Variants in DHRS2 observed in about 807,000 individuals in gnomAD.
DHRS2 encodes the protein dehydrogenase/reductase SDR family member 2, mitochondrial.
DHRS2 carries 29 observed loss-of-function variants against 26.3 expected under a neutral mutation model. That is an observed-to-expected ratio of 1.10 (90% CI 0.82 to 1.50). DHRS2 has a LOEUF of 1.50. DHRS2 is among the 40% of genes most tolerant of loss of function. DHRS2 has a pLI of 0.00. For missense variants in DHRS2, 439 were observed against 367.1 expected (o/e 1.20, Z -1.60); for synonymous variants, 164 against 151.3 (o/e 1.08, Z -0.62).
intron 4 of DHRS2, chr14:23,640,432 G>A: frequency 4.1e-6 from 4 of 985,440 alleles, no homozygotes; most frequent in Non-Finnish European, 4.8e-6. Context: ...CCAGCCTGCT[G>A]TAAGTCCATT....
In DHRS2 at chr14:23,639,326, G is replaced by T; in HGVS notation, c.288G>T (p.Lys96Asn). 6.3e-7 allele frequency: 1 copy of T among 1,582,160 alleles called. No homozygotes were observed. Among genetic ancestry groups the T allele is most frequent in the Non-Finnish European group, 8.6e-7 (1 of 1,164,904 alleles). Reference protein sequence around the residue: ...SVAGIVCHVGKAEDREQLVAK... With the variant: ...SVAGIVCHVGNAEDREQLVAK... ...CGGGCATTGTGTGCCACGTGGGGAA[G>T]GCTGAGGACCGGGAGCAGCTGGTGG... is the stretch of plus-strand genomic sequence containing the variant. The change falls in exon 3 of 9, where the codon AAG becomes AAT. Residue 96 changes from lysine (K) to asparagine (N), a missense_variant. Coordinates refer to ENST00000250383, the MANE Select transcript of DHRS2 (RefSeq NM_005794.4).
In DHRS2 at chr14:23,644,482, C is replaced by G. The variant is rs756275305; in HGVS notation, c.614C>G (p.Pro205Arg). 5.6e-6 allele frequency: 9 copies of G among 1,614,102 alleles called. No individual in the cohort carries two copies. Among genetic ancestry groups the G allele is most frequent in the Non-Finnish European group, 7.6e-6 (9 of 1,180,062 alleles). ...AGAACACTGGCATTGGAGCTGGCCC[C>G]CAAGGACATCCGGGTAAACTGCGTG... ...LTRTLALELA[P>R]KDIRVNCVVP... The change falls in exon 7 of 9, where the codon CCC (proline) becomes CGC (arginine). Residue 205 changes from proline (P) to arginine (R), a missense_variant. Physicochemically the swap from Pro to Arg is moderately radical, Grantham distance 103. Transcript: ENST00000250383.
chr14:23,639,771 C>T (rs776325467), intron 3 of DHRS2, 23 bp from the exon 4 acceptor site: 1 of 1,588,934 alleles, frequency 6.3e-7, no homozygotes, highest in Non-Finnish European at 8.6e-7. Context: ...CATCTCCACA[C>T]TCATCCAATC....
At chr14:23,635,459 T>C (rs1268261963), upstream of DHRS2, among the ~76,000 whole-genome samples, 5 of 152,216 alleles carry the variant, frequency 3.3e-5, no homozygotes, top group Non-Finnish European at 4.4e-5. Context: ...AGTCTCTTGG[T>C]GCACACATGA....
chr14:23,641,715 C>A, intron 4 of DHRS2: 1 of 1,289,838 alleles, frequency 7.8e-7, no homozygotes, highest in Non-Finnish European at 1.0e-6. Flanking sequence ...TTCTTGCAGT[C>A]ATTGGGGGTC....
chr14:23,633,990 C>G (rs948347057), upstream of DHRS2, among the ~76,000 whole-genome samples: 4 of 149,854 alleles, frequency 2.7e-5, no homozygotes, highest in African/African-American at 9.8e-5. Flanking sequence ...TCATGGACAT[C>G]ATGTAGGCAT....
chr14:23,640,046 C>T lies in DHRS2; in HGVS notation c.420+151C>T, dbSNP rs540562283. 5 of 753,158 alleles carry T rather than the reference C, an allele frequency of 6.6e-6. No individual in the cohort carries two copies. The South Asian group carries it at 2.0e-4, about 31-fold the overall frequency. The allele number at this position is 753,158 out of a possible 1,614,324, so 46.7% of individuals were successfully genotyped here. The stretch of plus-strand genomic sequence containing the variant: ...GGTAGTCCTGCCTGGCCAGCTGTCT[C>T]CCAAAATGTGCCCGGATGCTACTTT... On this transcript the variant is annotated intron_variant, in intron 4 of 8. Coordinates refer to ENST00000250383, the MANE Select transcript of DHRS2 (RefSeq NM_005794.4).
intron 1 of DHRS2, 28 bp from the exon 2 acceptor site, chr14:23,638,799 G>A: frequency 6.3e-7 from 1 of 1,575,632 alleles, no homozygotes; most frequent in Non-Finnish European, 8.6e-7. Flanking sequence ...AGGCATCAGT[G>A]ATAAGTGAAA....
chr14:23,642,907 G>C (rs550974953), intron 4 of DHRS2: 1 of 411,462 alleles, frequency 2.4e-6, no homozygotes, highest in African/African-American at 2.0e-5. Context: ...CCTTCCTCGT[G>C]TCAGTCCTGA....
chr14:23,640,103 C>T lies in DHRS2; in HGVS notation c.420+208C>T, dbSNP rs1396728387. On this transcript the variant is annotated intron_variant, in intron 4 of 8. Coordinates refer to ENST00000250383, the MANE Select transcript of DHRS2 (RefSeq NM_005794.4). ...TGTTGGTTCTTAAATCTGGCCCCCACACTTTCTGCTTTGTTTTCTCTTCTC... is the reference window on the plus strand; with the variant it reads ...TGTTGGTTCTTAAATCTGGCCCCCATACTTTCTGCTTTGTTTTCTCTTCTC... 8 of 705,244 alleles carry T rather than the reference C, an allele frequency of 1.1e-5. No homozygotes were observed. The African/African-American group carries it at 1.3e-4, about 12-fold the overall frequency. The allele number at this position is 705,244 out of a possible 1,614,324, so 43.7% of individuals were successfully genotyped here.
chr14:23,644,094 T>TG lies in DHRS2; in HGVS notation c.489-16dup. On this transcript the variant is annotated splice_polypyrimidine_tract_variant and intron_variant, in intron 5 of 8. Transcript: ENST00000250383. ...AAGCTCTTAGCTTCAGCTTCTCTTA[T>TG]GTTTGTCTTGTCTCAGGAGGGGTGC... 6.2e-7 allele frequency: 1 copy of TG among 1,613,920 alleles called. No individual in the cohort carries two copies. Among genetic ancestry groups the TG allele is most frequent in the Non-Finnish European group, 8.5e-7 (1 of 1,179,748 alleles).
chr14:23,636,460 C>T lies in DHRS2; in HGVS notation c.-351C>T, dbSNP rs1323647516. The T allele has an allele frequency of 1.3e-5, 2 of 152,168 alleles. No individual in the cohort carries two copies. The highest frequency in any genetic ancestry group is 2.4e-5 in the African/African-American group (1 of 41,432). The allele number at this position is 152,168 out of a possible 1,614,324, so 9.4% of individuals were successfully genotyped here. On this transcript the variant is annotated 5_prime_UTR_variant, in exon 1 of 9. Transcript: ENST00000250383. ...CTGCTCACTCGTTGGGTCCGTGCCA[C>T]CTTTAAGAGCTGTAACACTCACCGC...
At chr14:23,643,443 G>T in intron 5 of DHRS2, 1 of 545,422 alleles carries the variant, frequency 1.8e-6, no homozygotes. Context: ...TAGCCTCCTT[G>T]GCCTTGACAT....
intron 3 of DHRS2, 36 bp downstream of exon 3, chr14:23,639,392 G>A (rs1890528908): frequency 2.6e-6 from 4 of 1,531,500 alleles, no homozygotes; most frequent in African/African-American, 2.8e-5. Context: ...ACAGAGAGGG[G>A]AACATGCAGA....
At chr14:23,640,076 C>A in intron 4 of DHRS2, 181 bp downstream of exon 4, 2 of 688,390 alleles carry the variant, frequency 2.9e-6, no homozygotes, top group Non-Finnish European at 4.1e-6. Flanking sequence ...TACTTTCTGG[C>A]TTGTTGGTTC....
chr14:23,633,054 G>A (rs1053273091), upstream of DHRS2, among the ~76,000 whole-genome samples: 1 of 152,224 alleles, frequency 6.6e-6, no homozygotes, highest in Admixed American at 6.5e-5. Context: ...GAGCCTCTGG[G>A]CTAACATGAA....
At chr14:23,639,979 T>A (rs1464419992) in intron 4 of DHRS2, 84 bp downstream of exon 4, 4 of 1,202,184 alleles carry the variant, frequency 3.3e-6, no homozygotes, top group Non-Finnish European at 4.4e-6. Context: ...CCACCAAGAC[T>A]CTGTTTCCCT....
At chr14:23,633,248 C>T (rs938310153), upstream of DHRS2, among the ~76,000 whole-genome samples, 1 of 152,208 alleles carries the variant, frequency 6.6e-6, no homozygotes, top group Non-Finnish European at 1.5e-5. Flanking sequence ...CTCCTGAGGG[C>T]ACAGGTCTCC....
upstream of DHRS2, among the ~76,000 whole-genome samples, chr14:23,634,928 T>TAA (rs745852198): frequency 1.6e-4 from 24 of 152,198 alleles, no homozygotes; most frequent in Non-Finnish European, 3.1e-4. Flanking sequence ...TCCAGCTGTG[T>TAA]AAGTTCTGCC....
Sources: allele counts gnomAD v4.1 joint callset (sites outside exome capture counted in the v4.1 genomes callset), GRCh38; gene constraint gnomAD v4.1.1; transcripts MANE v1.5; gene names NCBI Gene and HGNC (gene_info 2026-07-23, HGNC 2026-07-21).